CSMD1: variants seen among roughly 807,000 people sequenced by gnomAD.
CSMD1 encodes the protein CUB and Sushi multiple domains 1, also known as CUB and sushi domain-containing protein 1.
A neutral mutation model predicts 417.5 loss-of-function variants in CSMD1; 213 were observed. The ratio of observed to expected loss-of-function variants is 0.51; its 90% CI spans 0.46 to 0.57. The LOEUF (loss-of-function observed/expected upper bound fraction) is 0.57, where lower values mean the gene tolerates loss of function less well. Among genes scored for constraint, CSMD1 ranks in the 20% least tolerant of loss-of-function variants. CSMD1 has a pLI of 0.00. For synonymous variants in CSMD1, 2,862 were observed against 1,736.8 expected (o/e 1.65, Z -16.11); for missense variants, 6,923 against 4,529.7 (o/e 1.53, Z -15.17).
chr8:4,993,289 T>A (rs1811572999), intron 1 of CSMD1, among the ~76,000 whole-genome samples: 1 of 149,234 alleles, frequency 6.7e-6, no homozygotes. Flanking sequence ...CGGGAACATC[T>A]ATGGAAGTGC....
chr8:4,020,702 A>G (rs1796746368), intron 4 of CSMD1, among the ~76,000 whole-genome samples: 1 of 152,234 alleles, frequency 6.6e-6, no homozygotes, highest in Admixed American at 6.5e-5. Flanking sequence ...CCCTCAGCGA[A>G]TCCGCGTGTT....
intron 2 of CSMD1, among the ~76,000 whole-genome samples, chr8:4,564,228 G>A (rs1798482700): frequency 6.6e-6 from 1 of 152,082 alleles, no homozygotes; most frequent in African/African-American, 2.4e-5. Context: ...CATGCACAAG[G>A]AAAACAAGCA....
chr8:3,899,560 G>A (rs1292754283), intron 5 of CSMD1, among the ~76,000 whole-genome samples: 23 of 152,180 alleles, frequency 1.5e-4, no homozygotes, highest in Admixed American at 1.4e-3. Context: ...TTAAAAAGAA[G>A]GTTGTTGTTG....
intron 8 of CSMD1, among the ~76,000 whole-genome samples, chr8:3,586,721 T>G (rs1232881990): frequency 6.6e-6 from 1 of 152,188 alleles, no homozygotes; most frequent in Non-Finnish European, 1.5e-5. Context: ...CTATCACACA[T>G]GTTAATTATA....
At chr8:3,860,997 G>C (rs1483957485) in intron 5 of CSMD1, among the ~76,000 whole-genome samples, 3 of 152,206 alleles carry the variant, frequency 2.0e-5, no homozygotes, top group Non-Finnish European at 2.9e-5. Flanking sequence ...AGCATGGAAA[G>C]TATGACAGAT....
At chr8:3,694,650 A>G (rs1244166149) in intron 7 of CSMD1, among the ~76,000 whole-genome samples, 1 of 151,938 alleles carries the variant, frequency 6.6e-6, no homozygotes, top group Non-Finnish European at 1.5e-5. Context: ...GGGTGGGTGG[A>G]CACAGCAGTG....
intron 49 of CSMD1, among the ~76,000 whole-genome samples, chr8:3,059,724 A>G (rs576626826): frequency 1.3e-5 from 2 of 152,160 alleles, no homozygotes; most frequent in East Asian, 3.9e-4. Context: ...GAGAGAGGAG[A>G]GTGGACTGGG....
At chr8:3,314,041 G>T (rs894887292) in intron 23 of CSMD1, among the ~76,000 whole-genome samples, 1 of 151,824 alleles carries the variant, frequency 6.6e-6, no homozygotes, top group East Asian at 1.9e-4. Context: ...AACACCTCAT[G>T]TTCTCACTCA....
In CSMD1 at chr8:4,219,197, C is replaced by G. The variant is rs189453022; in HGVS notation, c.416-187098G>C. On this transcript the variant is annotated intron_variant, in intron 3 of 69. Transcript: ENST00000635120. ...TCCCCTCCCGTGTTCTGCAGAATTT[C>G]TGCTGTAAAATTATTTTTTCACCCT... Among the ~76,000 whole-genome samples the G allele has an allele frequency of 7.9e-5, 12 of 152,274 alleles. 1 individual carries two copies. The East Asian group carries it at 1.9e-3, about 25-fold the overall frequency.
At chr8:4,825,823 A>C (rs975938596) in intron 1 of CSMD1, among the ~76,000 whole-genome samples, 2 of 152,174 alleles carry the variant, frequency 1.3e-5, no homozygotes, top group South Asian at 4.1e-4. Context: ...CCACAATCCA[A>C]TTAAGAAATG....
rs188900975 is a variant in CSMD1, at chr8:3,765,549, A to G, written c.819-11507T>C. ...CTTCCTCTTCTTTGTAGTATTCTGTATGCACTAAAGCCTTAACAAGTCAAT... is the reference window on the plus strand; with the variant it reads ...CTTCCTCTTCTTTGTAGTATTCTGTGTGCACTAAAGCCTTAACAAGTCAAT... On this transcript the variant is annotated intron_variant, in intron 5 of 69. Transcript: ENST00000635120. Among the ~76,000 whole-genome samples the G allele has an allele frequency of 5.3e-5, 8 of 152,324 alleles. No individual in the cohort carries two copies. The East Asian group carries it at 1.4e-3, about 26-fold the overall frequency.
chr8:4,000,548 C>G (rs1815587358), intron 4 of CSMD1, among the ~76,000 whole-genome samples: 1 of 152,194 alleles, frequency 6.6e-6, no homozygotes, highest in Non-Finnish European at 1.5e-5. Context: ...ATCAGGTTAA[C>G]AACTAAAAGT....
intron 11 of CSMD1, among the ~76,000 whole-genome samples, chr8:3,482,914 G>C (rs1287625314): frequency 1.3e-5 from 2 of 152,024 alleles, no homozygotes; most frequent in Admixed American, 6.6e-5. Context: ...GTGAAATAAA[G>C]AAATACATAG....
intron 21 of CSMD1, among the ~76,000 whole-genome samples, chr8:3,349,406 G>T (rs1377215075): frequency 2.0e-5 from 3 of 152,074 alleles, no homozygotes; most frequent in African/African-American, 7.2e-5. Context: ...TGTGCACGTT[G>T]AATCTCAGAA....
chr8:3,353,719 A>T (rs73173122), intron 21 of CSMD1, among the ~76,000 whole-genome samples: 3,947 of 152,054 alleles, frequency 0.026, 158 homozygotes, highest in African/African-American at 0.09. Context: ...TCATTTTAAA[A>T]AAGTTTTTCA....
intron 2 of CSMD1, among the ~76,000 whole-genome samples, chr8:4,450,761 C>A (rs551392138): frequency 6.6e-6 from 1 of 152,170 alleles, no homozygotes; most frequent in Non-Finnish European, 1.5e-5. Context: ...GGTCTCTTCA[C>A]AAATTGAAAG....
At chr8:4,297,742 C>T (rs1797763555) in intron 3 of CSMD1, among the ~76,000 whole-genome samples, 1 of 152,096 alleles carries the variant, frequency 6.6e-6, no homozygotes, top group Admixed American at 6.6e-5. Flanking sequence ...TCAATGGCAC[C>T]ACTAACGATT....
chr8:4,090,142 C>T lies in CSMD1; in HGVS notation c.416-58043G>A, dbSNP rs1585291751. Reference sequence around the variant, plus strand: ...CTGGAAGCTCATCATTAATAGAATACAGTCTTAATTGGCTTGATACTGTTT... The same window carrying T: ...CTGGAAGCTCATCATTAATAGAATATAGTCTTAATTGGCTTGATACTGTTT... On this transcript the variant is annotated intron_variant, in intron 3 of 69. Coordinates refer to ENST00000635120, the MANE Select transcript of CSMD1 (RefSeq NM_033225.6). 3.3e-5 allele frequency among the ~76,000 whole-genome samples: 5 copies of T among 152,152 alleles called. No homozygotes were observed. The South Asian group carries it at 8.3e-4, about 25-fold the overall frequency.
intron 3 of CSMD1, among the ~76,000 whole-genome samples, chr8:4,151,117 T>C (rs1167971332): frequency 6.6e-6 from 1 of 152,174 alleles, no homozygotes; most frequent in Non-Finnish European, 1.5e-5. Context: ...GCAGAAGATA[T>C]TAGGATCCCT....
Sources: gnomAD v4.1 joint callset for allele counts (sites outside exome capture counted in the v4.1 genomes callset) on GRCh38, gnomAD v4.1.1 for gene constraint, MANE v1.5 for transcripts, NCBI Gene and HGNC (gene_info 2026-07-23, HGNC 2026-07-21) for gene names.